OSBPL1A: variants seen among roughly 807,000 people sequenced by gnomAD.
The protein encoded by OSBPL1A is oxysterol-binding protein-related protein 1.
Under a neutral mutation model 137.1 loss-of-function variants are expected in OSBPL1A, and 80 were observed. The ratio of observed to expected loss-of-function variants is 0.58; its 90% CI spans 0.49 to 0.70. The LOEUF (loss-of-function observed/expected upper bound fraction) is 0.70. Ranked by LOEUF, OSBPL1A falls within the 30% of genes least tolerant of loss-of-function variation. The probability of loss-of-function intolerance (pLI) is 0.00; values close to 1 mark genes in which losing one functional copy is unlikely to be tolerated. For synonymous variants in OSBPL1A, 365 were observed against 389.7 expected (o/e 0.94, Z 0.75); for missense variants, 970 against 1,129.4 (o/e 0.86, Z 2.02).
chr18:24,343,513 C>T (rs958441214), intron 4 of OSBPL1A, among the ~76,000 whole-genome samples: 3 of 151,984 alleles, frequency 2.0e-5, no homozygotes, highest in African/African-American at 7.3e-5. Context: ...CCCCAAAAAG[C>T]CAAAATAATA....
At chr18:24,222,926 T>C (rs1232779700) in intron 17 of OSBPL1A, among the ~76,000 whole-genome samples, 1 of 152,034 alleles carries the variant, frequency 6.6e-6, no homozygotes, top group African/African-American at 2.4e-5. Context: ...AAGGTTCCTA[T>C]GGGAAAGTTA....
chr18:24,171,317 C>A (rs2086280236), intron 23 of OSBPL1A, 92 bp downstream of exon 23: 2 of 964,914 alleles, frequency 2.1e-6, no homozygotes, highest in South Asian at 3.1e-5. Flanking sequence ...TAGGTGTGAG[C>A]CACTGTGCCC....
intron 5 of OSBPL1A, among the ~76,000 whole-genome samples, chr18:24,337,424 A>ATAACATAAC (rs1568036788): frequency 8.4e-4 from 51 of 60,792 alleles, no homozygotes; most frequent in African/African-American, 5.1e-3. Flanking sequence ...CATAACATAA[A>ATAACATAAC]GCCAGGCATG....
At chr18:24,179,681 T>A (rs2086547340) in intron 20 of OSBPL1A, 57 bp downstream of exon 20, 1 of 1,396,342 alleles carries the variant, frequency 7.2e-7, no homozygotes, top group Non-Finnish European at 1.0e-6. Flanking sequence ...CCAATATGTA[T>A]GTATTTCTCC....
chr18:24,299,634 A>T (rs2090360212), intron 14 of OSBPL1A, among the ~76,000 whole-genome samples: 1 of 152,204 alleles, frequency 6.6e-6, no homozygotes, highest in Admixed American at 6.5e-5. Context: ...TCTACTGTTA[A>T]TCATCAGGCT....
chr18:24,163,858 G>A (rs1456873405), intron 27 of OSBPL1A, among the ~76,000 whole-genome samples: 2 of 151,942 alleles, frequency 1.3e-5, no homozygotes, highest in East Asian at 3.9e-4. Context: ...TCAGCCTCCC[G>A]AGTAGCTGGG....
intron 4 of OSBPL1A, among the ~76,000 whole-genome samples, chr18:24,359,509 C>T (rs749418056): frequency 2.0e-5 from 3 of 151,500 alleles, no homozygotes; most frequent in Admixed American, 6.6e-5. Context: ...CTGGGCAACA[C>T]GGTGAAACCC....
intron 17 of OSBPL1A, among the ~76,000 whole-genome samples, chr18:24,207,641 T>C (rs1348565408): frequency 6.6e-6 from 1 of 152,156 alleles, no homozygotes; most frequent in Non-Finnish European, 1.5e-5. Flanking sequence ...ACTACAACAT[T>C]GACAATCTGT....
At chr18:24,297,845 G>A (rs2090321215) in intron 14 of OSBPL1A, among the ~76,000 whole-genome samples, 1 of 152,140 alleles carries the variant, frequency 6.6e-6, no homozygotes. Flanking sequence ...ACGTGCTAAT[G>A]AGAAGAATGT....
Position 24,378,685 on chromosome 18 carries a change from G to C in OSBPL1A, c.-2-1150C>G, listed in dbSNP as rs572250186. Among the ~76,000 whole-genome samples, 7 of 152,318 alleles carry C rather than the reference G, an allele frequency of 4.6e-5. No individual in the cohort carries two copies. The South Asian group carries it at 1.4e-3, about 32-fold the overall frequency. ...GATGGGCTGTATAGGCTGGTGACTG[G>C]ATGGGTTTTGAAGGCATGGTTTCAA... On this transcript the variant is annotated intron_variant, in intron 1 of 27. Transcript: ENST00000319481.
intron 4 of OSBPL1A, among the ~76,000 whole-genome samples, chr18:24,354,745 TAGCAAAAAAAAAAAAAAAAAAAAAAAA>T (rs1187941672): frequency 2.9e-5 from 1 of 34,646 alleles, no homozygotes; most frequent in Non-Finnish European, 5.4e-5. Context: ...TTTCTCAATA[TAGCAAAAAAAAAAAAAAAAAAAAAAAA>T]AGAAAGAAAG....
At chr18:24,341,273 C>T (rs1222628770) in intron 5 of OSBPL1A, among the ~76,000 whole-genome samples, 2 of 152,134 alleles carry the variant, frequency 1.3e-5, no homozygotes, top group Non-Finnish European at 2.9e-5. Context: ...TCCTAAAATG[C>T]TAGGGTTACA....
At position 24,290,384 on chromosome 18, in the gene OSBPL1A, T is replaced by C. The variant is rs2090153963; in HGVS notation, c.1175-9436A>G. Among the ~76,000 whole-genome samples, 3 of 152,130 alleles carry C rather than the reference T, an allele frequency of 2.0e-5. No homozygotes were observed. The South Asian group carries it at 6.2e-4, about 32-fold the overall frequency. ...TCAGACAGAACATACATCCAGAAGA[T>C]TAACAGATGAGCCTGGCCAGGCATA... On this transcript the variant is annotated intron_variant, in intron 14 of 27. Transcript: ENST00000319481.
At chr18:24,244,795 T>C (rs1478113814) in intron 15 of OSBPL1A, among the ~76,000 whole-genome samples, 2 of 152,212 alleles carry the variant, frequency 1.3e-5, no homozygotes, top group Non-Finnish European at 2.9e-5. Context: ...CTACGACACA[T>C]TCACCTACGC....
chr18:24,231,710 T>C (rs1349223200), intron 16 of OSBPL1A, among the ~76,000 whole-genome samples: 1 of 152,276 alleles, frequency 6.6e-6, no homozygotes, highest in East Asian at 1.9e-4. Flanking sequence ...TGCCGGCTTA[T>C]GGTGACTTTA....
At chr18:24,164,375 T>C (rs1284899764) in intron 27 of OSBPL1A, among the ~76,000 whole-genome samples, 2 of 148,304 alleles carry the variant, frequency 1.3e-5, no homozygotes, top group African/African-American at 5.0e-5. Flanking sequence ...GTAGTGAAAA[T>C]ATAAATTAGT....
intron 15 of OSBPL1A, chr18:24,272,261 T>C (rs981124442): frequency 7.1e-6 from 7 of 983,300 alleles, no homozygotes; most frequent in Non-Finnish European, 7.2e-6. Context: ...TTTTCTTTTT[T>C]TTTTTTTTTA....
intron 4 of OSBPL1A, among the ~76,000 whole-genome samples, chr18:24,346,114 C>G (rs1264979916): frequency 2.0e-5 from 3 of 152,124 alleles, no homozygotes; most frequent in African/African-American, 7.2e-5. Flanking sequence ...ACCAGCAGCA[C>G]ACGGGTGAGG....
In OSBPL1A at chr18:24,262,819, C is replaced by T. The variant is rs527481664; in HGVS notation, c.1281+18023G>A. ...CCTACCCAGGCAACCACTGCTCTGA[C>T]TTCAATAACCATGGTTTAGGTTTGT... is the stretch of plus-strand genomic sequence containing the variant. On this transcript the variant is annotated intron_variant, in intron 15 of 27. Coordinates refer to ENST00000319481, the MANE Select transcript of OSBPL1A (RefSeq NM_080597.4). Among the ~76,000 whole-genome samples the T allele has an allele frequency of 8.2e-5, 12 of 146,100 alleles. No individual in the cohort carries two copies. In the South Asian group the frequency reaches 2.6e-3, roughly 31 times the overall value.
Sources: allele counts gnomAD v4.1 joint callset (sites outside exome capture counted in the v4.1 genomes callset), GRCh38; gene constraint gnomAD v4.1.1; transcripts MANE v1.5; gene names NCBI Gene and HGNC (gene_info 2026-07-23, HGNC 2026-07-21).